FAM117B: variants seen among roughly 807,000 people sequenced by gnomAD.
FAM117B encodes the protein family with sequence similarity 117 member B, also known as protein FAM117B.
FAM117B carries 22 observed loss-of-function variants against 52.8 expected under a neutral mutation model. The observed-to-expected ratio is 0.42, with a 90% CI of 0.30 to 0.59. The LOEUF is 0.59. Ranked by LOEUF, FAM117B falls within the 20% of genes least tolerant of loss-of-function variation. The pLI is 0.22. For missense variants in FAM117B, 678 were observed against 802.6 expected, an observed-to-expected ratio of 0.84 and a Z score of 1.88; for synonymous variants, 309 against 324.1, an observed-to-expected ratio of 0.95 and a Z score of 0.50.
At chr2:202,680,594 C>A (rs1014315872) in intron 1 of FAM117B, among the ~76,000 whole-genome samples, 2 of 151,884 alleles carry the variant, frequency 1.3e-5, no homozygotes, top group African/African-American at 4.8e-5. Context: ...GTTTTTTAAA[C>A]AGCTAAAGAA....
At chr2:202,648,697 C>G (rs1689908923) in intron 1 of FAM117B, among the ~76,000 whole-genome samples, 1 of 151,810 alleles carries the variant, frequency 6.6e-6, no homozygotes, top group African/African-American at 2.4e-5. Flanking sequence ...GTTGAATATT[C>G]TTGTATATAC....
At chr2:202,716,775 C>T (rs1691063882) in intron 2 of FAM117B, among the ~76,000 whole-genome samples, 1 of 152,120 alleles carries the variant, frequency 6.6e-6, no homozygotes, top group African/African-American at 2.4e-5. Flanking sequence ...CTAATTCTTT[C>T]CTCTGCTTGA....
chr2:202,738,217 CT>C, intron 4 of FAM117B, among the ~76,000 whole-genome samples: 1 of 152,244 alleles, frequency 6.6e-6, no homozygotes, highest in Middle Eastern at 3.4e-3. Flanking sequence ...CTTTTGTTCT[CT>C]TACTGTCTTT....
intron 2 of FAM117B, among the ~76,000 whole-genome samples, chr2:202,697,429 T>G (rs184425214): frequency 6.6e-6 from 1 of 152,340 alleles, no homozygotes; most frequent in Admixed American, 6.5e-5. Context: ...GAAAAACATT[T>G]AAAGATTTAA....
rs547802516 is a variant in FAM117B, at chr2:202,708,724, G to A, written c.753+12692G>A. 3.3e-5 allele frequency among the ~76,000 whole-genome samples: 5 copies of A among 152,246 alleles called. 1 individual carries two copies. Among genetic ancestry groups the A allele is most frequent in the African/African-American group, 1.2e-4 (5 of 41,530 alleles). ...GAGCTCAAGTGATCCTCCTGCCTCA[G>A]CCTCCCAAATAGCTGGACTCTAGGC... On this transcript the variant is annotated intron_variant, in intron 2 of 7. Coordinates refer to ENST00000392238, the MANE Select transcript of FAM117B (RefSeq NM_173511.4).
chr2:202,635,355 G>GAGCGGCGGC lies in FAM117B; in HGVS notation c.169_177dup (p.Ser57_Gly59dup), dbSNP rs1689661992. On this transcript the variant is annotated inframe_insertion, in exon 1 of 8. Transcript: ENST00000392238. Reference sequence around the variant, plus strand: ...AGCAGCAACATGGCAGCCCCACGCGGAGCGGCGGCGGCGGCGGCGGCAACA... The same window carrying GAGCGGCGGC: ...AGCAGCAACATGGCAGCCCCACGCGGAGCGGCGGCAGCGGCGGCGGCGGCGGCGGCAACA... The GAGCGGCGGC allele has an allele frequency of 2.3e-5, 32 of 1,377,210 alleles. No individual in the cohort carries two copies. The highest frequency in any genetic ancestry group is 2.9e-5 in the Non-Finnish European group (31 of 1,066,404). 85.3% of individuals were successfully genotyped at this position (1,377,210 alleles called of 1,614,324 possible).
chr2:202,696,318 A>G (rs1188402336), intron 2 of FAM117B, among the ~76,000 whole-genome samples: 1 of 152,160 alleles, frequency 6.6e-6, no homozygotes, highest in Non-Finnish European at 1.5e-5. Context: ...AAGTTAGTTT[A>G]CAACAGGGGT....
At chr2:202,638,164 A>G (rs1169337712) in intron 1 of FAM117B, among the ~76,000 whole-genome samples, 1 of 152,344 alleles carries the variant, frequency 6.6e-6, no homozygotes, top group East Asian at 1.9e-4. Context: ...GGCATGAGCT[A>G]CCGCGCCCAG....
At chr2:202,736,296 A>C (rs958847860) in intron 4 of FAM117B, among the ~76,000 whole-genome samples, 1 of 152,180 alleles carries the variant, frequency 6.6e-6, no homozygotes, top group African/African-American at 2.4e-5. Flanking sequence ...AGCTTGGAAG[A>C]GCTGTAAAGG....
chr2:202,637,004 A>AT (rs1304044671), intron 1 of FAM117B, among the ~76,000 whole-genome samples: 1 of 151,934 alleles, frequency 6.6e-6, no homozygotes, highest in African/African-American at 2.4e-5. Context: ...GGTTCAAACG[A>AT]TTCTGCCTCA....
At chr2:202,666,104 T>G (rs1044442184) in intron 1 of FAM117B, among the ~76,000 whole-genome samples, 1 of 152,248 alleles carries the variant, frequency 6.6e-6, no homozygotes, top group Non-Finnish European at 1.5e-5. Flanking sequence ...CTGCAATTTG[T>G]GTCTGCATAG....
intron 1 of FAM117B, among the ~76,000 whole-genome samples, chr2:202,672,561 T>G (rs1380044392): frequency 6.6e-6 from 1 of 152,184 alleles, no homozygotes; most frequent in Non-Finnish European, 1.5e-5. Flanking sequence ...TTACAAACAG[T>G]AAAAATAAGG....
intron 4 of FAM117B, among the ~76,000 whole-genome samples, chr2:202,748,499 TG>T (rs753664519): frequency 5.5e-4 from 83 of 152,124 alleles, no homozygotes; most frequent in Non-Finnish European, 1.0e-3. Context: ...ACCTGTTGAA[TG>T]GAGGAAAATA....
chr2:202,692,507 A>G (rs1219311263), intron 1 of FAM117B, among the ~76,000 whole-genome samples: 2 of 152,210 alleles, frequency 1.3e-5, no homozygotes, highest in African/African-American at 4.8e-5. Context: ...ACAAATTTTT[A>G]AAGGACAAAA....
intron 1 of FAM117B, among the ~76,000 whole-genome samples, chr2:202,652,655 T>C (rs560153612): frequency 2.0e-5 from 3 of 152,230 alleles, no homozygotes; most frequent in Admixed American, 6.5e-5. Context: ...TGTTGGGTGA[T>C]TGGTAGAGTA....
chr2:202,669,809 T>C (rs1032586461), intron 1 of FAM117B, among the ~76,000 whole-genome samples: 3 of 152,192 alleles, frequency 2.0e-5, no homozygotes, highest in Non-Finnish European at 4.4e-5. Context: ...TTATCCAGTT[T>C]GTTGGATTTT....
chr2:202,696,738 G>A (rs1690717462), intron 2 of FAM117B, among the ~76,000 whole-genome samples: 1 of 152,138 alleles, frequency 6.6e-6, no homozygotes, highest in Non-Finnish European at 1.5e-5. Flanking sequence ...ATACTTCTGG[G>A]TTTGTAAAAT....
chr2:202,738,687 T>C (rs935831497), intron 4 of FAM117B, among the ~76,000 whole-genome samples: 1 of 152,230 alleles, frequency 6.6e-6, no homozygotes, highest in Non-Finnish European at 1.5e-5. Flanking sequence ...TTAGTCCTGA[T>C]TCTGTGACCC....
chr2:202,669,167 G>C (rs1690253704), intron 1 of FAM117B, among the ~76,000 whole-genome samples: 2 of 151,942 alleles, frequency 1.3e-5, no homozygotes, highest in South Asian at 4.2e-4. Flanking sequence ...ATGGTGTTAG[G>C]GACAGATTTT....
Sources: gnomAD v4.1 joint callset for allele counts (sites outside exome capture counted in the v4.1 genomes callset) on GRCh38, gnomAD v4.1.1 for gene constraint, MANE v1.5 for transcripts, NCBI Gene and HGNC (gene_info 2026-07-23, HGNC 2026-07-21) for gene names.